Variants in SLC36A1 observed in about 807,000 individuals in gnomAD.
The protein encoded by SLC36A1 is proton-coupled amino acid transporter 1.
In SLC36A1, 30 loss-of-function variants were observed where a neutral mutation model predicts 47.5. The observed-to-expected ratio is 0.63, with a 90% CI of 0.47 to 0.86. SLC36A1 has a LOEUF of 0.86. Among genes scored for constraint, SLC36A1 ranks in the 40% least tolerant of loss-of-function variants. SLC36A1 has a pLI of 0.00. For synonymous variants in SLC36A1, 255 were observed against 249.7 expected (o/e 1.02, Z -0.20); for missense variants, 517 against 606.0 (o/e 0.85, Z 1.54).
upstream of SLC36A1, among the ~76,000 whole-genome samples, chr5:151,433,221 C>T (rs1759475027): frequency 5.8e-5 from 1 of 17,358 alleles, no homozygotes; most frequent in African/African-American, 2.0e-4. Flanking sequence ...TTCTGAATAA[C>T]ATATATATAT....
chr5:151,430,471 C>T, the SLC36A1 span, among the ~76,000 whole-genome samples: 2 of 151,788 alleles, frequency 1.3e-5, no homozygotes, highest in African/African-American at 2.4e-5. Context: ...TACAGGTGCC[C>T]GCCACCATGC....
the SLC36A1 span, chr5:151,521,360 G>A: frequency 6.2e-7 from 1 of 1,614,198 alleles, no homozygotes; most frequent in South Asian, 1.1e-5. Context: ...CCAACCTTGG[G>A]GTCCAGATGC....
downstream of SLC36A1, among the ~76,000 whole-genome samples, chr5:151,494,535 A>G (rs1258696800): frequency 2.0e-5 from 3 of 152,184 alleles, no homozygotes; most frequent in Non-Finnish European, 2.9e-5. Context: ...CTAGAATGTC[A>G]TATAAAACCG....
chr5:151,512,300 C>G, the SLC36A1 span: 2 of 1,614,214 alleles, frequency 1.2e-6, no homozygotes, highest in Non-Finnish European at 8.5e-7. This position sits in a 1 kb window ranked among gnomAD's most constrained non-coding sequence, Gnocchi z 4.1. Flanking sequence ...GCCAGCAGAT[C>G]TAGAGCCTCT....
At chr5:151,517,127 AAG>A in the SLC36A1 span, among the ~76,000 whole-genome samples, 1 of 152,148 alleles carries the variant, frequency 6.6e-6, no homozygotes, top group African/African-American at 2.4e-5. Flanking sequence ...AAAAAGAAAA[AAG>A]AAATGGTAGA....
chr5:151,451,711 TGAG>T (rs1178823105), intron 1 of SLC36A1, among the ~76,000 whole-genome samples: 6 of 152,176 alleles, frequency 3.9e-5, no homozygotes, highest in African/African-American at 1.4e-4. Context: ...ATCTTTCAGA[TGAG>T]GAGACTGTGG....
chr5:151,439,318 C>A (rs990355619), intron 1 of SLC36A1, among the ~76,000 whole-genome samples: 12 of 152,198 alleles, frequency 7.9e-5, no homozygotes, highest in African/African-American at 2.9e-4. Context: ...CATATTATAT[C>A]ATAATTACCT....
At chr5:151,468,775 T>C (rs1051408681) in intron 7 of SLC36A1, among the ~76,000 whole-genome samples, 3 of 152,046 alleles carry the variant, frequency 2.0e-5, no homozygotes, top group African/African-American at 4.8e-5. Flanking sequence ...TTGTATACAG[T>C]TGGAAAATAG....
chr5:151,501,035 C>T, the SLC36A1 span, among the ~76,000 whole-genome samples: 2 of 152,250 alleles, frequency 1.3e-5, no homozygotes, highest in South Asian at 4.1e-4. Context: ...CAGGGAGGTG[C>T]TGTGTGGACA....
chr5:151,521,961 C>T, the SLC36A1 span: 1 of 1,614,216 alleles, frequency 6.2e-7, no homozygotes, highest in Non-Finnish European at 8.5e-7. Flanking sequence ...CACCCTGGAA[C>T]TCATCCTCTC....
chr5:151,469,743 G>A (rs963213849), intron 7 of SLC36A1, among the ~76,000 whole-genome samples: 9 of 151,584 alleles, frequency 5.9e-5, no homozygotes, highest in Non-Finnish European at 1.3e-4. Flanking sequence ...ACTAATACTG[G>A]ATGTATTAGT....
intron 10 of SLC36A1, among the ~76,000 whole-genome samples, chr5:151,485,648 C>T (rs749638193): frequency 1.1e-4 from 16 of 152,310 alleles, no homozygotes; most frequent in South Asian, 6.2e-4. Flanking sequence ...TGCTTCCTGT[C>T]GTTTACACCC....
the SLC36A1 span, chr5:151,544,658 C>T: frequency 6.2e-7 from 1 of 1,614,154 alleles, no homozygotes; most frequent in African/African-American, 1.3e-5. Context: ...AGTACCTCTT[C>T]CTCACTCTGG....
the SLC36A1 span, among the ~76,000 whole-genome samples, chr5:151,540,357 C>T: frequency 1.3e-5 from 2 of 151,848 alleles, no homozygotes; most frequent in Non-Finnish European, 2.9e-5. Flanking sequence ...TCTCCTGCCC[C>T]TCACTCTCTG....
chr5:151,552,659 C>T, the SLC36A1 span, among the ~76,000 whole-genome samples: 1 of 152,158 alleles, frequency 6.6e-6, no homozygotes, highest in Non-Finnish European at 1.5e-5. Flanking sequence ...GATGTTGAAA[C>T]AAAACCTTGA....
the SLC36A1 span, among the ~76,000 whole-genome samples, chr5:151,413,807 A>C: frequency 6.6e-6 from 1 of 152,250 alleles, no homozygotes; most frequent in Non-Finnish European, 1.5e-5. Flanking sequence ...ATGCACCTGT[A>C]GATTCATTTC....
At chr5:151,512,306 C>G in the SLC36A1 span, 1 of 1,614,214 alleles carries the variant, frequency 6.2e-7, no homozygotes, top group Non-Finnish European at 8.5e-7. The surrounding 1 kb of genome is among the most constrained non-coding windows in gnomAD (Gnocchi z 4.1). Context: ...AGATCTAGAG[C>G]CTCTTCGTTG....
intron 1 of SLC36A1, among the ~76,000 whole-genome samples, chr5:151,448,274 G>A (rs1753122802): frequency 6.6e-6 from 1 of 152,206 alleles, no homozygotes; most frequent in Non-Finnish European, 1.5e-5. Context: ...GAGACCCGGA[G>A]ACCTGCGACT....
At chr5:151,517,316 A>G in the SLC36A1 span, among the ~76,000 whole-genome samples, 5 of 152,204 alleles carry the variant, frequency 3.3e-5, no homozygotes, top group African/African-American at 1.2e-4. Context: ...ACACTGGCCT[A>G]TTACTCAGCA....
Sources: allele counts gnomAD v4.1 joint callset (sites outside exome capture counted in the v4.1 genomes callset), GRCh38; gene constraint gnomAD v4.1.1; non-coding constraint Gnocchi (gnomAD v3.1); transcripts MANE v1.5; gene names NCBI Gene and HGNC (gene_info 2026-07-23, HGNC 2026-07-21).